The following AHI1 variants were observed in gnomAD, a reference collection of about 807,000 sequenced individuals.
The protein encoded by AHI1 is jouberin.
AHI1 carries 123 observed loss-of-function variants against 149.3 expected under a neutral mutation model. That is an observed-to-expected ratio of 0.82 (90% CI 0.71 to 0.96). AHI1 has a LOEUF of 0.96. Ranked by LOEUF, AHI1 falls within the 40% of genes least tolerant of loss-of-function variation. AHI1 has a pLI of 0.00. For synonymous variants in AHI1, 475 were observed against 459.8 expected (o/e 1.03, Z -0.42); for missense variants, 1,439 against 1,422.7 (o/e 1.01, Z -0.18).
chr6:135,320,398 G>A (rs1786633439), intron 25 of AHI1, among the ~76,000 whole-genome samples: 1 of 152,188 alleles, frequency 6.6e-6, no homozygotes, highest in Admixed American at 6.5e-5. Context: ...ACTGCAATAT[G>A]CTTCAGAGGT....
In AHI1 at chr6:135,453,434, A is replaced by T; in HGVS notation, c.1347T>A (p.Ile449=). ...ESPKVILFFE[I]LDFLSVDEIK... is the part of the protein sequence containing the mutation. ...TTTCATCCACGCTTAAGAAATCAAG[A>T]ATCTGCAAATAAATTCACAGAAGAC... The change falls in exon 11 of 29, where the codon ATT becomes ATA. Residue 449 remains isoleucine, a splice_region_variant and synonymous_variant. Coordinates refer to ENST00000265602, the MANE Select transcript of AHI1 (RefSeq NM_001134831.2). 6.5e-7 allele frequency: 1 copy of T among 1,545,538 alleles called. No homozygotes were observed. Among genetic ancestry groups the T allele is most frequent in the Non-Finnish European group, 8.8e-7 (1 of 1,142,036 alleles).
intron 18 of AHI1, among the ~76,000 whole-genome samples, chr6:135,428,978 T>C (rs143018574): frequency 2.1e-4 from 32 of 151,682 alleles, no homozygotes; most frequent in Middle Eastern, 3.4e-3. Context: ...GAGAAACATG[T>C]CAACGTAAAA....
chr6:135,301,271 TCA>T (rs1318819531), intron 26 of AHI1: 1 of 982,946 alleles, frequency 1.0e-6, no homozygotes. Flanking sequence ...CGTTTAACAC[TCA>T]CAAAGAAAAT....
At chr6:135,344,264 A>G (rs1414072406) in intron 24 of AHI1, among the ~76,000 whole-genome samples, 1 of 151,776 alleles carries the variant, frequency 6.6e-6, no homozygotes, top group Admixed American at 6.6e-5. Context: ...ACCTACAGAC[A>G]CGGAGGGCTA....
chr6:135,345,170 A>C (rs904586409), intron 24 of AHI1, among the ~76,000 whole-genome samples: 1 of 152,192 alleles, frequency 6.6e-6, no homozygotes, highest in Non-Finnish European at 1.5e-5. Context: ...ATAATACAAA[A>C]TCAGTAACAA....
Position 135,466,232 on chromosome 6 carries a change from G to A in AHI1, c.331C>T (p.Pro111Ser), listed in dbSNP as rs776053386. ...TCCTCTACACTAGCATCACCATTAG[G>A]ATTTTCAGTTGCTAACTGTGTGTTC... ...LRNTQLATEN[P>S]NGDASVEEDK... Residue 111 changes from proline to serine, a missense_variant, in exon 7 of 29, where the codon CCT (proline) becomes TCT (serine). Transcript: ENST00000265602. 1.2e-5 allele frequency: 20 copies of A among 1,613,894 alleles called. No individual in the cohort carries two copies. The highest frequency in any genetic ancestry group is 1.5e-5 in the Non-Finnish European group (18 of 1,179,844).
In AHI1 at chr6:135,433,240, T is replaced by A; in HGVS notation, c.2053A>T (p.Ile685Leu). Residue 685 changes from isoleucine (I) to leucine (L), a missense_variant, in exon 16 of 29, where the codon ATA (isoleucine) becomes TTA (leucine). By Grantham distance (5) the Ile-to-Leu change is conservative. Coordinates refer to ENST00000265602, the MANE Select transcript of AHI1 (RefSeq NM_001134831.2). Reference protein sequence around the residue: ...DGTARIWKNEINNTNTFRVLP... With the variant: ...DGTARIWKNELNNTNTFRVLP... ...ACTCTGAAAGTATTTGTATTGTTTATTTCATTTTTCCATATCCTGGAAAAG... is the reference window on the plus strand; with the variant it reads ...ACTCTGAAAGTATTTGTATTGTTTAATTCATTTTTCCATATCCTGGAAAAG... 2.5e-6 allele frequency: 4 copies of A among 1,604,022 alleles called. No individual in the cohort carries two copies. The highest frequency in any genetic ancestry group is 3.4e-6 in the Non-Finnish European group (4 of 1,171,492).
At chr6:135,341,244 TTGAAAAA>T (rs542522662) in intron 24 of AHI1, among the ~76,000 whole-genome samples, 67 of 152,034 alleles carry the variant, frequency 4.4e-4, no homozygotes, top group African/African-American at 1.5e-3. Context: ...TACAAGACTG[TTGAAAAA>T]TGGAAAAAGA....
At chr6:135,419,697 T>C (rs1782876563) in intron 20 of AHI1, among the ~76,000 whole-genome samples, 1 of 152,108 alleles carries the variant, frequency 6.6e-6, no homozygotes, top group South Asian at 2.1e-4. Flanking sequence ...TGCTTTAATG[T>C]TAATAAAGGG....
rs373465654 is a variant in AHI1, at chr6:135,488,030, C to A, written c.135+2593G>T. Among the ~76,000 whole-genome samples the A allele has an allele frequency of 7.9e-5, 12 of 152,260 alleles. 1 individual carries two copies. The highest frequency in any genetic ancestry group is 1.9e-4 in the East Asian group (1 of 5,186). ...TCAGGCTACAATTTTTCTCTTAGTG[C>A]TCTAAATATTTCTCCATTGTCTTTT... is the stretch of plus-strand genomic sequence containing the variant. On this transcript the variant is annotated intron_variant, in intron 5 of 28. Transcript: ENST00000265602.
At chr6:135,475,039 G>A (rs1196667384) in intron 5 of AHI1, among the ~76,000 whole-genome samples, 1 of 152,132 alleles carries the variant, frequency 6.6e-6, no homozygotes, top group Non-Finnish European at 1.5e-5. Flanking sequence ...CCTGGGAGTA[G>A]TTTCCTTTGA....
chr6:135,414,182 G>C (rs1782010811), intron 20 of AHI1, among the ~76,000 whole-genome samples: 1 of 152,112 alleles, frequency 6.6e-6, no homozygotes, highest in Non-Finnish European at 1.5e-5. Flanking sequence ...AAAGTATAAA[G>C]GCCATTCAGT....
At chr6:135,386,095 G>A (rs17064486) in intron 23 of AHI1, among the ~76,000 whole-genome samples, 2,943 of 152,226 alleles carry the variant, frequency 0.019, 91 homozygotes, top group African/African-American at 0.067. Flanking sequence ...CATATCGTCT[G>A]GCCTACTATA....
intron 20 of AHI1, among the ~76,000 whole-genome samples, chr6:135,415,324 T>C (rs1782213326): frequency 6.6e-6 from 1 of 152,156 alleles, no homozygotes; most frequent in African/African-American, 2.4e-5. Flanking sequence ...TTTGGGTATA[T>C]ACCCAGTAAT....
At chr6:135,394,932 AT>A (rs766724202) in intron 22 of AHI1, 36 bp from the exon 23 acceptor site, 10 of 1,564,678 alleles carry the variant, frequency 6.4e-6, no homozygotes, top group Non-Finnish European at 2.6e-6. Context: ...CTACAGTGTA[AT>A]TTCCTGGATT....
chr6:135,388,089 T>C (rs1777878341), intron 23 of AHI1: 2 of 1,585,366 alleles, frequency 1.3e-6, no homozygotes, highest in South Asian at 2.3e-5. Context: ...TTTTGATTCT[T>C]TTTAGTACCA....
chr6:135,389,302 C>T (rs765627178), intron 23 of AHI1, among the ~76,000 whole-genome samples: 1 of 138,396 alleles, frequency 7.2e-6, no homozygotes, highest in South Asian at 2.3e-4. Context: ...GAGCAAGACT[C>T]TGTCTAAAAA....
intron 24 of AHI1, among the ~76,000 whole-genome samples, chr6:135,335,025 T>C (rs555055212): frequency 2.0e-5 from 3 of 152,358 alleles, no homozygotes; most frequent in Admixed American, 1.3e-4. Context: ...TATATACTTA[T>C]TTCTGCACAT....
intron 27 of AHI1, among the ~76,000 whole-genome samples, chr6:135,298,843 G>C (rs974442826): frequency 6.6e-6 from 1 of 152,122 alleles, no homozygotes; most frequent in Non-Finnish European, 1.5e-5. Flanking sequence ...GTGAAAACTG[G>C]TATGAAATGT....
Sources: allele counts gnomAD v4.1 joint callset (sites outside exome capture counted in the v4.1 genomes callset), GRCh38; gene constraint gnomAD v4.1.1; transcripts MANE v1.5; gene names NCBI Gene and HGNC (gene_info 2026-07-23, HGNC 2026-07-21).